Variants in EFCAB13 observed in about 807,000 individuals in gnomAD.
The protein encoded by EFCAB13 is EF-hand calcium-binding domain-containing protein 13.
In EFCAB13, 91 loss-of-function variants were observed where a neutral mutation model predicts 110.2. The observed-to-expected ratio is 0.83, with a 90% CI of 0.70 to 0.98. EFCAB13 has a LOEUF of 0.98. Among genes scored for constraint, EFCAB13 ranks in the 50% least tolerant of loss-of-function variants. The probability of loss-of-function intolerance (pLI) is 0.00; values close to 1 mark genes in which losing one functional copy is unlikely to be tolerated. For synonymous variants in EFCAB13, 323 were observed against 369.9 expected, an observed-to-expected ratio of 0.87 and a Z score of 1.45; for missense variants, 968 against 1,119.4, an observed-to-expected ratio of 0.86 and a Z score of 1.93.
At chr17:47,362,382 GGT>G (rs2143321572) in intron 10 of EFCAB13, among the ~76,000 whole-genome samples, 1 of 152,200 alleles carries the variant, frequency 6.6e-6, no homozygotes, top group South Asian at 2.1e-4. Flanking sequence ...AGGGCTCCTT[GGT>G]CTACCGGTAA....
chr17:47,415,744 T>C (rs1904420124), intron 23 of EFCAB13, among the ~76,000 whole-genome samples: 1 of 152,154 alleles, frequency 6.6e-6, no homozygotes, highest in African/African-American at 2.4e-5. Context: ...GTTATAGAAA[T>C]CCTAACTTCA....
chr17:47,395,693 A>T, intron 16 of EFCAB13, 141 bp from the exon 17 acceptor site: 1 of 520,434 alleles, frequency 1.9e-6, no homozygotes, highest in Non-Finnish European at 3.0e-6. Flanking sequence ...TTCATTTTTG[A>T]AAGTTGGCAA....
chr17:47,439,339 G>T (rs1197694766), intron 24 of EFCAB13, among the ~76,000 whole-genome samples: 1 of 151,642 alleles, frequency 6.6e-6, no homozygotes, highest in Non-Finnish European at 1.5e-5. Flanking sequence ...ACCACCCCTG[G>T]CTAATTTTTG....
chr17:47,416,144 A>G (rs1469893466), intron 23 of EFCAB13, among the ~76,000 whole-genome samples: 1 of 152,176 alleles, frequency 6.6e-6, no homozygotes, highest in Non-Finnish European at 1.5e-5. Context: ...TTAATATACC[A>G]TAAATTTCAC....
At chr17:47,352,487 T>G (rs1055980131) in intron 9 of EFCAB13, among the ~76,000 whole-genome samples, 1 of 152,204 alleles carries the variant, frequency 6.6e-6, no homozygotes, top group African/African-American at 2.4e-5. Context: ...CTGTTTTGGT[T>G]ACTATTATAG....
intron 20 of EFCAB13, 98 bp from the exon 21 acceptor site, chr17:47,409,549 G>A: frequency 1.1e-6 from 1 of 902,604 alleles, no homozygotes; most frequent in Non-Finnish European, 1.8e-6. Flanking sequence ...AATGTTAGTG[G>A]GAAAAGAAGT....
intron 3 of EFCAB13, among the ~76,000 whole-genome samples, chr17:47,327,435 T>G (rs2065292927): frequency 6.6e-6 from 1 of 152,078 alleles, no homozygotes; most frequent in South Asian, 2.1e-4. Context: ...AGTGCTGGGA[T>G]TACAGATGTG....
chr17:47,370,738 G>GTTTTTTT (rs764924546), intron 11 of EFCAB13, among the ~76,000 whole-genome samples: 50 of 127,166 alleles, frequency 3.9e-4, no homozygotes, highest in East Asian at 7.3e-4. Context: ...GTTGTTGTTT[G>GTTTTTTT]TTTTTTTTTT....
intron 17 of EFCAB13, among the ~76,000 whole-genome samples, chr17:47,396,819 T>A (rs2065740947): frequency 6.6e-6 from 1 of 152,178 alleles, no homozygotes; most frequent in Non-Finnish European, 1.5e-5. Context: ...TGAAAAGGGT[T>A]GATGAAAAAT....
At position 47,374,816 on chromosome 17, in the gene EFCAB13, C is replaced by A; in HGVS notation, c.1222C>A (p.Gln408Lys). ...AATTCATGACTCAAAGTCTAAACCA[C>A]AAAGCTTGAAGAGTAGTACAAGCCT... ...GEIHDSKSKPQSLKSSTSLSK... is the reference protein window; with the variant it reads ...GEIHDSKSKPKSLKSSTSLSK... The change falls in exon 12 of 25, where the codon CAA becomes AAA. Residue 408 changes from glutamine (Q) to lysine (K), a missense_variant. Physicochemically the swap from Gln to Lys is moderately conservative, Grantham distance 53. Coordinates refer to ENST00000331493, the MANE Select transcript of EFCAB13 (RefSeq NM_152347.5). 6.2e-7 allele frequency: 1 copy of A among 1,613,978 alleles called. No individual in the cohort carries two copies. Among genetic ancestry groups the A allele is most frequent in the Non-Finnish European group, 8.5e-7 (1 of 1,179,978 alleles).
intron 4 of EFCAB13, among the ~76,000 whole-genome samples, chr17:47,333,292 T>C (rs1431759380): frequency 1.3e-5 from 2 of 152,222 alleles, no homozygotes; most frequent in Non-Finnish European, 2.9e-5. Context: ...ATAGTTTGTT[T>C]TCTTGCTTGA....
chr17:47,346,696 TC>T (rs1000684266), intron 8 of EFCAB13, among the ~76,000 whole-genome samples: 2 of 152,166 alleles, frequency 1.3e-5, no homozygotes, highest in African/African-American at 2.4e-5. Flanking sequence ...AACATTCATA[TC>T]CTTTCATCTT....
At chr17:47,405,173 A>G (rs748532964) in intron 20 of EFCAB13, among the ~76,000 whole-genome samples, 2 of 152,166 alleles carry the variant, frequency 1.3e-5, no homozygotes, top group Admixed American at 1.3e-4. Context: ...ATAATGTTAT[A>G]CTAGAGGAAT....
At chr17:47,371,511 G>A (rs917178167) in intron 11 of EFCAB13, among the ~76,000 whole-genome samples, 6 of 152,076 alleles carry the variant, frequency 3.9e-5, no homozygotes, top group Non-Finnish European at 8.8e-5. Context: ...ATTCTTGACT[G>A]CTTTGTTGGC....
intron 4 of EFCAB13, among the ~76,000 whole-genome samples, chr17:47,329,538 C>A (rs998295988): frequency 6.6e-6 from 1 of 151,844 alleles, no homozygotes; most frequent in Non-Finnish European, 1.5e-5. Context: ...CTTTTTATAC[C>A]TACTACTTTG....
chr17:47,385,862 T>C (rs2065672869), intron 14 of EFCAB13, among the ~76,000 whole-genome samples: 1 of 152,216 alleles, frequency 6.6e-6, no homozygotes, highest in Admixed American at 6.5e-5. Context: ...TGTTTGTTAC[T>C]TTTTCTTCTA....
Position 47,346,636 on chromosome 17 carries a change from A to G in EFCAB13, c.518-1172A>G, listed in dbSNP as rs543924358. On this transcript the variant is annotated intron_variant, in intron 8 of 24. Coordinates refer to ENST00000331493, the MANE Select transcript of EFCAB13 (RefSeq NM_152347.5). Reference sequence around the variant, plus strand: ...CTTTGCTTTTTCATAGAGAGTTAGTAAGGGCTGTTGGGAAGCTTCCTAAAC... The same window carrying G: ...CTTTGCTTTTTCATAGAGAGTTAGTGAGGGCTGTTGGGAAGCTTCCTAAAC... Among the ~76,000 whole-genome samples, 63 of 152,188 alleles carry G rather than the reference A, an allele frequency of 4.1e-4. 1 individual carries two copies. The highest frequency in any genetic ancestry group is 6.2e-4 in the South Asian group (3 of 4,818).
intron 16 of EFCAB13, among the ~76,000 whole-genome samples, chr17:47,395,592 G>A (rs1397503235): frequency 6.6e-6 from 1 of 152,066 alleles, no homozygotes; most frequent in Non-Finnish European, 1.5e-5. Context: ...TATTTATAAT[G>A]TTTATTCAGG....
intron 4 of EFCAB13, among the ~76,000 whole-genome samples, chr17:47,333,034 G>A (rs2065328885): frequency 6.6e-6 from 1 of 152,162 alleles, no homozygotes; most frequent in African/African-American, 2.4e-5. Context: ...CCAACAGTGT[G>A]CAGATGTTCC....
Sources: allele counts gnomAD v4.1 joint callset (sites outside exome capture counted in the v4.1 genomes callset), GRCh38; gene constraint gnomAD v4.1.1; transcripts MANE v1.5; gene names NCBI Gene and HGNC (gene_info 2026-07-23, HGNC 2026-07-21).